The following INPP4B variants were observed in gnomAD, a reference collection of about 807,000 sequenced individuals.
INPP4B encodes the protein inositol polyphosphate 4-phosphatase type II.
A neutral mutation model predicts 122.5 loss-of-function variants in INPP4B; 55 were observed. That is an observed-to-expected ratio of 0.45 (90% CI 0.36 to 0.56). The LOEUF is 0.56. INPP4B is among the 20% of genes least tolerant of loss of function. The probability of loss-of-function intolerance (pLI) is 0.00; values close to 1 mark genes in which losing one functional copy is unlikely to be tolerated. For missense variants in INPP4B, 1,000 were observed against 1,097.7 expected (o/e 0.91, Z 1.26); for synonymous variants, 403 against 388.7 (o/e 1.04, Z -0.43).
At position 142,028,075 on chromosome 4, in the gene INPP4B, C is replaced by T. The variant is rs544975246; in HGVS notation, c.*707G>A. The T allele has an allele frequency of 1.8e-5, 4 of 224,082 alleles. No homozygotes were observed. The highest frequency in any genetic ancestry group is 2.7e-5 in the Non-Finnish European group (3 of 112,256). The allele number at this position is 224,082 out of a possible 1,614,324, so 13.9% of individuals were successfully genotyped here. A position where few individuals can be genotyped will look rare whatever the true frequency, so the allele number is the denominator to read the frequency against. On this transcript the variant is annotated 3_prime_UTR_variant, in exon 26 of 26. Coordinates refer to ENST00000262992, the MANE Select transcript of INPP4B (RefSeq NM_001101669.3). ...GTGTTTTGCTTATCATTCTATTAAA[C>T]GTTCTATATTGCTACATTCACAGCT...
chr4:142,289,108 G>C (rs1258194477), intron 9 of INPP4B, among the ~76,000 whole-genome samples: 3 of 152,092 alleles, frequency 2.0e-5, no homozygotes, highest in East Asian at 3.9e-4. Flanking sequence ...ATAAATTGAT[G>C]TGTTATGGGA....
chr4:142,238,809 T>G (rs1210430254), intron 11 of INPP4B, among the ~76,000 whole-genome samples: 1 of 152,112 alleles, frequency 6.6e-6, no homozygotes, highest in African/African-American at 2.4e-5. Context: ...GTGAAGCCAG[T>G]ACTCATACCA....
At chr4:142,635,449 A>T (rs879176355) in intron 2 of INPP4B, among the ~76,000 whole-genome samples, 1 of 152,234 alleles carries the variant, frequency 6.6e-6, no homozygotes, top group Non-Finnish European at 1.5e-5. Flanking sequence ...AAAGACATGG[A>T]ATCAACCTAA....
At chr4:142,718,368 A>G (rs1285599419) in intron 2 of INPP4B, among the ~76,000 whole-genome samples, 1 of 152,192 alleles carries the variant, frequency 6.6e-6, no homozygotes, top group East Asian at 1.9e-4. Flanking sequence ...TATTCAAAAT[A>G]CCTCATGAGC....
intron 1 of INPP4B, among the ~76,000 whole-genome samples, chr4:142,759,881 T>A (rs1479923160): frequency 7.7e-6 from 1 of 129,814 alleles, no homozygotes; most frequent in Non-Finnish European, 1.7e-5. Flanking sequence ...GCAATTCTGG[T>A]ACATACTTAG....
At chr4:142,483,321 CTGTTCAGACAT>C in intron 2 of INPP4B, among the ~76,000 whole-genome samples, 1 of 148,670 alleles carries the variant, frequency 6.7e-6, no homozygotes, top group East Asian at 2.0e-4. Flanking sequence ...GAGTGTAATT[CTGTTCAGACAT>C]TGTGCTGAAC....
chr4:142,288,854 T>A (rs1755074024), intron 9 of INPP4B, among the ~76,000 whole-genome samples: 1 of 152,194 alleles, frequency 6.6e-6, no homozygotes, highest in African/African-American at 2.4e-5. Flanking sequence ...TGAGACAACG[T>A]GTACAAACAT....
chr4:142,087,186 A>C (rs1578855151), intron 23 of INPP4B, among the ~76,000 whole-genome samples: 1 of 152,168 alleles, frequency 6.6e-6, no homozygotes, highest in African/African-American at 2.4e-5. Context: ...GCCTTCAGAC[A>C]CTGCCAGTGT....
intron 7 of INPP4B, among the ~76,000 whole-genome samples, chr4:142,358,707 A>C (rs1026035400): frequency 6.6e-6 from 1 of 151,210 alleles, no homozygotes; most frequent in African/African-American, 2.4e-5. Context: ...CAAGGTTGAG[A>C]GCCATGTCGA....
chr4:142,661,860 G>A (rs1404455405), intron 2 of INPP4B, among the ~76,000 whole-genome samples: 3 of 152,180 alleles, frequency 2.0e-5, no homozygotes, highest in South Asian at 2.1e-4. Flanking sequence ...CTCAGGAGAC[G>A]TTACCTTAAG....
chr4:142,623,072 T>C (rs1444599984), intron 2 of INPP4B, among the ~76,000 whole-genome samples: 8 of 151,970 alleles, frequency 5.3e-5, no homozygotes, highest in Admixed American at 2.6e-4. Flanking sequence ...AGGTGACCCG[T>C]GGAAATCACT....
At chr4:142,566,820 G>C (rs1321537224) in intron 2 of INPP4B, among the ~76,000 whole-genome samples, 1 of 152,168 alleles carries the variant, frequency 6.6e-6, no homozygotes, top group Non-Finnish European at 1.5e-5. Flanking sequence ...CAGTTTCTAA[G>C]TGCACAATTA....
intron 2 of INPP4B, among the ~76,000 whole-genome samples, chr4:142,582,096 C>T (rs1441924554): frequency 6.6e-6 from 1 of 151,932 alleles, no homozygotes; most frequent in Non-Finnish European, 1.5e-5. Flanking sequence ...ATTACACCTG[C>T]TGCTGCCAAT....
intron 4 of INPP4B, among the ~76,000 whole-genome samples, chr4:142,429,908 C>T (rs757232614): frequency 2.0e-5 from 3 of 152,040 alleles, no homozygotes; most frequent in Non-Finnish European, 4.4e-5. Flanking sequence ...GCCTAAAATC[C>T]ACACACAGTG....
At chr4:142,336,852 T>G (rs1776794552) in intron 7 of INPP4B, among the ~76,000 whole-genome samples, 1 of 152,224 alleles carries the variant, frequency 6.6e-6, no homozygotes, top group African/African-American at 2.4e-5. Context: ...TGTGTCAACA[T>G]TTCCTTTAGA....
At chr4:142,317,864 G>A (rs1202422618) in intron 7 of INPP4B, among the ~76,000 whole-genome samples, 1 of 152,160 alleles carries the variant, frequency 6.6e-6, no homozygotes, top group Non-Finnish European at 1.5e-5. Flanking sequence ...TTGGGGCCCT[G>A]CAGGAAATGG....
chr4:142,565,256 G>A (rs1302910899), intron 2 of INPP4B, among the ~76,000 whole-genome samples: 8 of 152,210 alleles, frequency 5.3e-5, no homozygotes, highest in East Asian at 3.9e-4. Flanking sequence ...AAAATAAGAT[G>A]AGCCTGAAAT....
chr4:142,029,609 C>A (rs1738553302), intron 25 of INPP4B: 1 of 984,822 alleles, frequency 1.0e-6, no homozygotes, highest in Non-Finnish European at 1.2e-6. Context: ...ACATAAATAG[C>A]CATTCTCTCC....
At chr4:142,263,750 A>G (rs1459941766) in intron 10 of INPP4B, among the ~76,000 whole-genome samples, 1 of 147,650 alleles carries the variant, frequency 6.8e-6, no homozygotes, top group East Asian at 2.1e-4. Context: ...TCTGAGGTAG[A>G]CACTGCAATC....
Sources: allele counts gnomAD v4.1 joint callset (sites outside exome capture counted in the v4.1 genomes callset), GRCh38; gene constraint gnomAD v4.1.1; transcripts MANE v1.5; gene names NCBI Gene and HGNC (gene_info 2026-07-23, HGNC 2026-07-21).